CADM2: variants seen among roughly 807,000 people sequenced by gnomAD.
CADM2 encodes cell adhesion molecule 2, also known as immunoglobulin superfamily member 4D.
CADM2 carries 12 observed loss-of-function variants against 49.8 expected under a neutral mutation model. The ratio of observed to expected loss-of-function variants is 0.24; its 90% CI spans 0.15 to 0.39. The LOEUF is 0.39. Ranked by LOEUF, CADM2 falls within the 10% of genes least tolerant of loss-of-function variation. The pLI is 1.00. For synonymous variants in CADM2, 214 were observed against 175.4 expected, an observed-to-expected ratio of 1.22 and a Z score of -1.74; for missense variants, 378 against 492.3, an observed-to-expected ratio of 0.77 and a Z score of 2.20.
intron 3 of CADM2, among the ~76,000 whole-genome samples, chr3:85,860,036 T>C (rs2075464297): frequency 1.3e-5 from 2 of 152,152 alleles, no homozygotes; most frequent in African/African-American, 2.4e-5. Context: ...GAGTCGATCT[T>C]TTACCTATTA....
At chr3:86,042,732 G>A (rs530970776) in intron 8 of CADM2, among the ~76,000 whole-genome samples, 3 of 152,198 alleles carry the variant, frequency 2.0e-5, no homozygotes, top group South Asian at 4.1e-4. Context: ...CATTTTATGA[G>A]GCCAGCATCA....
chr3:85,996,154 G>A (rs1047492177), intron 8 of CADM2, among the ~76,000 whole-genome samples: 3 of 150,762 alleles, frequency 2.0e-5, no homozygotes, highest in East Asian at 1.9e-4. Context: ...CATTAATATT[G>A]TAAGACAAAA....
Position 85,283,170 on chromosome 3 carries a change from T to C in CADM2, c.61+323502T>C, listed in dbSNP as rs145956186. On this transcript the variant is annotated intron_variant, in intron 1 of 9. Transcript: ENST00000383699. ...GATATGTTCATCAAATTATTATAAT[T>C]TATATTTTTATATCAGGTTTAAGCA... 7.2e-5 allele frequency among the ~76,000 whole-genome samples: 11 copies of C among 152,180 alleles called. No homozygotes were observed. The East Asian group carries it at 2.1e-3, about 29-fold the overall frequency.
chr3:85,430,702 G>T (rs895344333), intron 1 of CADM2, among the ~76,000 whole-genome samples: 46 of 151,408 alleles, frequency 3.0e-4, no homozygotes, highest in Admixed American at 2.5e-3. Flanking sequence ...AGAGGGGTGG[G>T]GGCATGGGAG....
At chr3:84,994,768 C>A (rs1297039361) in intron 1 of CADM2, among the ~76,000 whole-genome samples, 1 of 152,078 alleles carries the variant, frequency 6.6e-6, no homozygotes, top group Non-Finnish European at 1.5e-5. Flanking sequence ...GTGCCTCATG[C>A]CTATAATCCC....
intron 1 of CADM2, among the ~76,000 whole-genome samples, chr3:85,333,378 A>C (rs879501880): frequency 6.6e-6 from 1 of 151,816 alleles, no homozygotes; most frequent in Non-Finnish European, 1.5e-5. Flanking sequence ...TAGATAAGTA[A>C]AGTTTACATA....
chr3:85,356,311 TAAAG>T (rs937220575), intron 1 of CADM2, among the ~76,000 whole-genome samples: 6 of 151,876 alleles, frequency 4.0e-5, no homozygotes, highest in African/African-American at 1.5e-4. Context: ...AAGAAAAACA[TAAAG>T]AAAAAAATAC....
intron 1 of CADM2, among the ~76,000 whole-genome samples, chr3:85,407,236 CAGTT>C (rs1467557721): frequency 1.3e-5 from 2 of 151,992 alleles, no homozygotes; most frequent in African/African-American, 2.4e-5. Flanking sequence ...GTCATGCCCT[CAGTT>C]AGAGCTATTC....
chr3:85,278,968 A>C (rs1319310858), intron 1 of CADM2, among the ~76,000 whole-genome samples: 1 of 151,522 alleles, frequency 6.6e-6, no homozygotes, highest in Non-Finnish European at 1.5e-5. Flanking sequence ...AATAGTTCAC[A>C]GATTTGCAGA....
At chr3:85,048,149 G>T (rs1273949066) in intron 1 of CADM2, among the ~76,000 whole-genome samples, 1 of 151,926 alleles carries the variant, frequency 6.6e-6, no homozygotes, top group Non-Finnish European at 1.5e-5. Flanking sequence ...ACGATGTATG[G>T]AAAAAAAGAT....
chr3:85,552,802 AAGT>A (rs1394132010), intron 1 of CADM2, among the ~76,000 whole-genome samples: 7 of 151,728 alleles, frequency 4.6e-5, no homozygotes, highest in Non-Finnish European at 8.8e-5. Flanking sequence ...TCAGCCTTCC[AAGT>A]AGCTGGGACT....
chr3:85,994,910 A>C (rs764236072), intron 8 of CADM2, among the ~76,000 whole-genome samples: 8 of 151,734 alleles, frequency 5.3e-5, no homozygotes, highest in Admixed American at 5.3e-4. Flanking sequence ...AAATATTGTC[A>C]AAATCCCCAA....
intron 1 of CADM2, among the ~76,000 whole-genome samples, chr3:85,071,494 G>T (rs2036743013): frequency 6.6e-6 from 1 of 152,040 alleles, no homozygotes; most frequent in South Asian, 2.1e-4. Flanking sequence ...AAATTGTAAG[G>T]TGCCAATATC....
intron 1 of CADM2, among the ~76,000 whole-genome samples, chr3:85,575,803 G>T (rs143804745): frequency 6.6e-6 from 1 of 152,240 alleles, no homozygotes; most frequent in Non-Finnish European, 1.5e-5. Context: ...ATTACAGATA[G>T]ATTTTAAAAG....
intron 1 of CADM2, among the ~76,000 whole-genome samples, chr3:85,104,236 G>A (rs560110723): frequency 6.6e-6 from 1 of 151,228 alleles, no homozygotes; most frequent in Non-Finnish European, 1.5e-5. Context: ...AAGGTGTAAG[G>A]AAGGGATCCA....
chr3:85,504,944 C>T lies in CADM2; in HGVS notation c.62-221578C>T, dbSNP rs573527087. Among the ~76,000 whole-genome samples the T allele has an allele frequency of 4.6e-5, 7 of 152,188 alleles. No homozygotes were observed. In the East Asian group the frequency reaches 5.8e-4, roughly 13 times the overall value. On this transcript the variant is annotated intron_variant, in intron 1 of 9. Transcript: ENST00000383699. ...GTGCTAAGCCCCTCATTGCCCGGGGCCGGCAGGGCCGGCCGGCTGCTTCGC... is the reference window on the plus strand; with the variant it reads ...GTGCTAAGCCCCTCATTGCCCGGGGTCGGCAGGGCCGGCCGGCTGCTTCGC...
chr3:85,346,585 T>G (rs1261290653), intron 1 of CADM2, among the ~76,000 whole-genome samples: 1 of 152,170 alleles, frequency 6.6e-6, no homozygotes, highest in Non-Finnish European at 1.5e-5. Flanking sequence ...AGAAAAGGCA[T>G]TTAATTTTGG....
intron 7 of CADM2, among the ~76,000 whole-genome samples, chr3:85,955,538 A>T (rs1577768624): frequency 6.6e-6 from 1 of 151,486 alleles, no homozygotes; most frequent in East Asian, 2.0e-4. Context: ...CTCAGTACCT[A>T]GGGAGTGAAT....
intron 7 of CADM2, among the ~76,000 whole-genome samples, chr3:85,954,616 G>C (rs906732506): frequency 1.3e-5 from 2 of 150,916 alleles, no homozygotes; most frequent in African/African-American, 2.4e-5. Flanking sequence ...TTTGGGCTTC[G>C]TTTAGAGATG....
Sources: allele counts gnomAD v4.1 joint callset (sites outside exome capture counted in the v4.1 genomes callset), GRCh38; gene constraint gnomAD v4.1.1; transcripts MANE v1.5; gene names NCBI Gene and HGNC (gene_info 2026-07-23, HGNC 2026-07-21).